Variants in PCDHGB6 observed in about 807,000 individuals in gnomAD.
PCDHGB6 encodes protocadherin gamma subfamily B, 6.
Under a neutral mutation model 59.1 loss-of-function variants are expected in PCDHGB6, and 51 were observed. The ratio of observed to expected loss-of-function variants is 0.86; its 90% CI spans 0.69 to 1.09. PCDHGB6 has a LOEUF of 1.09. PCDHGB6 is among the 50% of genes least tolerant of loss of function. PCDHGB6 has a pLI of 0.00. For missense variants in PCDHGB6, 1,148 were observed against 1,205.1 expected (o/e 0.95, Z 0.70); for synonymous variants, 466 against 495.1 (o/e 0.94, Z 0.78).
At chr5:141,415,801 A>G (rs560476453) in intron 1 of PCDHGB6, 12 of 1,373,384 alleles carry the variant, frequency 8.7e-6, no homozygotes, top group East Asian at 5.3e-5. Flanking sequence ...CCTAGTCTCA[A>G]TCAAGGCCTA....
rs115982940 is a variant in PCDHGB6, at chr5:141,457,996, G to A, written c.2419-36811G>A. On this transcript the variant is annotated intron_variant, in intron 1 of 3. Transcript: ENST00000520790. ...AACACACCCTTTCAGTTAAAGCCTTGGCAAAATAACCGGTTTTTCCAATTG... is the reference window on the plus strand; with the variant it reads ...AACACACCCTTTCAGTTAAAGCCTTAGCAAAATAACCGGTTTTTCCAATTG... Among the ~76,000 whole-genome samples the A allele has an allele frequency of 2.4e-3, 372 of 152,212 alleles. 2 individuals carry two copies. Among genetic ancestry groups the A allele is most frequent in the African/African-American group, 8.4e-3 (347 of 41,522 alleles).
intron 1 of PCDHGB6, chr5:141,416,389 T>A (rs2096020280): frequency 6.6e-6 from 1 of 152,236 alleles, no homozygotes; most frequent in Non-Finnish European, 1.5e-5. Context: ...TATTTGGGAT[T>A]CTGCTTTTGT....
At chr5:141,479,470 T>G (rs2099497188) in intron 1 of PCDHGB6, 1 of 152,250 alleles carries the variant, frequency 6.6e-6, no homozygotes, top group African/African-American at 2.4e-5. Context: ...CAGTGACCTC[T>G]TGGGAGGGCA....
rs1296142784 is a variant in PCDHGB6 at position 141,431,302 on chromosome 5, C to T, written c.2418+20682C>T. ...GCCCGAACACTCACTTCTCCCTCAT[C>T]GTGCAAAATGGAGCCGACGGTAGTA... is the stretch of plus-strand genomic sequence containing the variant. On this transcript the variant is annotated intron_variant, in intron 1 of 3. Coordinates refer to ENST00000520790, the MANE Select transcript of PCDHGB6 (RefSeq NM_018926.3). This position sits in a 1 kb window ranked among gnomAD's most constrained non-coding sequence, Gnocchi z 4.8. 2 of 1,614,028 alleles carry T rather than the reference C, an allele frequency of 1.2e-6. No individual in the cohort carries two copies. Among genetic ancestry groups the T allele is most frequent in the African/African-American group, 1.3e-5 (1 of 74,946 alleles).
chr5:141,496,533 G>A (rs2099769399), intron 2 of PCDHGB6, among the ~76,000 whole-genome samples: 2 of 152,176 alleles, frequency 1.3e-5, no homozygotes, highest in Admixed American at 1.3e-4. Context: ...GTGTATGGCA[G>A]AGATTCCAGC....
chr5:141,454,281 A>C (rs1048947689), intron 1 of PCDHGB6, among the ~76,000 whole-genome samples: 2 of 152,242 alleles, frequency 1.3e-5, no homozygotes, highest in African/African-American at 4.8e-5. Context: ...AAAACTTCAC[A>C]TTAAAGGAAC....
Position 141,489,533 on chromosome 5 carries a change from C to G in PCDHGB6, c.2419-5274C>G, listed in dbSNP as rs754586925. The G allele has an allele frequency of 6.2e-7, 1 of 1,614,086 alleles. No individual in the cohort carries two copies. The highest frequency in any genetic ancestry group is 1.7e-5 in the Admixed American group (1 of 60,030). ...ATTGACCGAGAAAGCCTATGTGGAG[C>G]CAGCACCAGCTGCCTGCTGCCAGTG... On this transcript the variant is annotated intron_variant, in intron 1 of 3. Coordinates refer to ENST00000520790, the MANE Select transcript of PCDHGB6 (RefSeq NM_018926.3). The surrounding 1 kb of genome is among the most constrained non-coding windows in gnomAD (Gnocchi z 4.5).
intron 1 of PCDHGB6, among the ~76,000 whole-genome samples, chr5:141,451,724 A>G (rs2098722682): frequency 6.6e-6 from 1 of 152,170 alleles, no homozygotes; most frequent in Non-Finnish European, 1.5e-5. Context: ...TCTACTAAAA[A>G]TACAAAAATT....
At chr5:141,419,049 C>T in intron 1 of PCDHGB6, 6 of 1,613,954 alleles carry the variant, frequency 3.7e-6, no homozygotes, top group Non-Finnish European at 5.1e-6. Flanking sequence ...ATTCATTCTT[C>T]TTCTAATAAT....
At chr5:141,444,725 T>C (rs1178418239) in intron 1 of PCDHGB6, among the ~76,000 whole-genome samples, 1 of 152,370 alleles carries the variant, frequency 6.6e-6, no homozygotes, top group East Asian at 1.9e-4. Flanking sequence ...TTGGTGCCTT[T>C]GTTGAAAGTC....
At chr5:141,419,729 G>A in intron 1 of PCDHGB6, 1 of 1,613,758 alleles carries the variant, frequency 6.2e-7, no homozygotes, top group Non-Finnish European at 8.5e-7. Context: ...GCTGCGAACA[G>A]GCGAGGTGCG....
rs950164698 is a variant in PCDHGB6, at chr5:141,423,459, G to A, written c.2418+12839G>A. ...TGCCCACGTCACATTTTGTAGGCGT[G>A]GACGGGGTACAGGCTTTCCTGCAAA... On this transcript the variant is annotated intron_variant, in intron 1 of 3. Coordinates refer to ENST00000520790, the MANE Select transcript of PCDHGB6 (RefSeq NM_018926.3). 4.3e-6 allele frequency: 7 copies of A among 1,614,006 alleles called. No individual in the cohort carries two copies. In the South Asian group the frequency reaches 6.6e-5, roughly 15 times the overall value.
chr5:141,464,655 G>T (rs1326749316), intron 1 of PCDHGB6, among the ~76,000 whole-genome samples: 1 of 152,070 alleles, frequency 6.6e-6, no homozygotes. Flanking sequence ...TGGGTAAAAA[G>T]ATATCTCCAA....
chr5:141,504,786 C>T (rs568185327), intron 2 of PCDHGB6, among the ~76,000 whole-genome samples: 1 of 152,132 alleles, frequency 6.6e-6, no homozygotes, highest in Non-Finnish European at 1.5e-5. Flanking sequence ...TCTCTTGGGG[C>T]CTCCTACATC....
chr5:141,418,753 A>G, intron 1 of PCDHGB6: 2 of 1,613,974 alleles, frequency 1.2e-6, no homozygotes, highest in South Asian at 2.2e-5. Context: ...ATTACACTAC[A>G]GGAAACATTC....
At chr5:141,421,894 C>T (rs764642401) in intron 1 of PCDHGB6, 6 of 1,613,586 alleles carry the variant, frequency 3.7e-6, no homozygotes, top group Non-Finnish European at 4.2e-6. Flanking sequence ...CGATCCCATC[C>T]GAAAGGGCGC....
In PCDHGB6 at chr5:141,419,882, T is replaced by A. The variant is rs145814583; in HGVS notation, c.2418+9262T>A. ...TAGCTTGCAAGAGGTACTGCCGGAT[T>A]TCAGCGACCATCCCACACCCTCTGA... On this transcript the variant is annotated intron_variant, in intron 1 of 3. Transcript: ENST00000520790. The A allele has an allele frequency of 4.9e-3, 7,980 of 1,614,092 alleles. 44 individuals carry two copies. Among genetic ancestry groups the A allele is most frequent in the Admixed American group, 9.4e-3 (567 of 60,032 alleles).
intron 2 of PCDHGB6, among the ~76,000 whole-genome samples, chr5:141,504,369 A>G (rs968327872): frequency 6.6e-5 from 10 of 152,272 alleles, no homozygotes; most frequent in Non-Finnish European, 1.2e-4. Context: ...AGTAGGAAGC[A>G]GGTGGAGTCG....
rs764070772 is a variant in PCDHGB6, at chr5:141,476,415, C to T, written c.2419-18392C>T. ...CTGGATCGAGAGGAGCTGTGTGGGACACTGCCCTCTTGCACTGTAACTCTG... is the reference window on the plus strand; with the variant it reads ...CTGGATCGAGAGGAGCTGTGTGGGATACTGCCCTCTTGCACTGTAACTCTG... On this transcript the variant is annotated intron_variant, in intron 1 of 3. Transcript: ENST00000520790. This position sits in a 1 kb window ranked among gnomAD's most constrained non-coding sequence, Gnocchi z 7.6. 2.5e-6 allele frequency: 4 copies of T among 1,614,098 alleles called. No homozygotes were observed. The South Asian group carries it at 4.4e-5, about 18-fold the overall frequency.
Sources: gnomAD v4.1 joint callset for allele counts (sites outside exome capture counted in the v4.1 genomes callset) on GRCh38, gnomAD v4.1.1 for gene constraint, Gnocchi (gnomAD v3.1) non-coding constraint, MANE v1.5 for transcripts, NCBI Gene and HGNC (gene_info 2026-07-23, HGNC 2026-07-21) for gene names.